Variants in UBE2U observed in about 807,000 individuals in gnomAD.
The protein encoded by UBE2U is ubiquitin-conjugating enzyme E2 U.
In UBE2U, 39 loss-of-function variants were observed where a neutral mutation model predicts 41.2. The observed-to-expected ratio is 0.95, with a 90% confidence interval of 0.73 to 1.24. UBE2U has a LOEUF of 1.24. UBE2U is among the 50% of genes most tolerant of loss of function. The pLI, the probability that UBE2U is intolerant of heterozygous loss-of-function variation, is 0.00. For missense variants in UBE2U, 336 were observed against 363.1 expected (o/e 0.93, Z 0.61); for synonymous variants, 107 against 117.8 (o/e 0.91, Z 0.60).
intron 2 of UBE2U, among the ~76,000 whole-genome samples, chr1:64,206,242 C>T (rs1300968740): frequency 6.6e-6 from 1 of 152,006 alleles, no homozygotes; most frequent in Non-Finnish European, 1.5e-5. Flanking sequence ...GAGACAAACA[C>T]ATCAGCTGAT....
chr1:64,246,861 C>T (rs1195578183), intron 8 of UBE2U, among the ~76,000 whole-genome samples: 1 of 152,102 alleles, frequency 6.6e-6, no homozygotes, highest in Non-Finnish European at 1.5e-5. Context: ...AGTAACAAAG[C>T]TGAAATTCAA....
chr1:64,259,608 A>G (rs1280628488), intron 8 of UBE2U, among the ~76,000 whole-genome samples: 2 of 151,750 alleles, frequency 1.3e-5, no homozygotes, highest in African/African-American at 2.4e-5. Flanking sequence ...GTTTTTGACA[A>G]AAACATTTCT....
intron 8 of UBE2U, among the ~76,000 whole-genome samples, chr1:64,244,969 G>C (rs558381972): frequency 6.6e-5 from 10 of 152,250 alleles, no homozygotes; most frequent in African/African-American, 2.4e-4. Context: ...AAACTTTTAA[G>C]GTTCATTCTA....
At chr1:64,214,780 T>C in intron 4 of UBE2U, 35 bp from the exon 5 acceptor site, 1 of 1,580,068 alleles carries the variant, frequency 6.3e-7, no homozygotes, top group Non-Finnish European at 8.7e-7. Flanking sequence ...AAAAGTTTAC[T>C]TCTGAAATTA....
intron 8 of UBE2U, among the ~76,000 whole-genome samples, chr1:64,246,434 A>G (rs1377680173): frequency 6.6e-6 from 1 of 152,324 alleles, no homozygotes; most frequent in East Asian, 1.9e-4. Flanking sequence ...TTGAATTTAA[A>G]CATGTTTTTT....
At chr1:64,262,636 C>T (rs909092835) in intron 9 of UBE2U, among the ~76,000 whole-genome samples, 15 of 152,294 alleles carry the variant, frequency 9.8e-5, no homozygotes, top group South Asian at 4.1e-4. Context: ...CTACTTTATC[C>T]AGCAAGAGTC....
At chr1:64,250,969 C>T (rs1383497078) in intron 8 of UBE2U, among the ~76,000 whole-genome samples, 3 of 151,350 alleles carry the variant, frequency 2.0e-5, no homozygotes, top group East Asian at 1.9e-4. Context: ...TGTTAAATGA[C>T]GAGTTAATGG....
chr1:64,248,308 G>C (rs752656311), intron 8 of UBE2U, among the ~76,000 whole-genome samples: 1 of 152,112 alleles, frequency 6.6e-6, no homozygotes, highest in Non-Finnish European at 1.5e-5. Context: ...GTCTGAGCAG[G>C]GTTGAGGCGG....
At chr1:64,263,881 A>G (rs1645215430) in intron 9 of UBE2U, among the ~76,000 whole-genome samples, 1 of 151,988 alleles carries the variant, frequency 6.6e-6, no homozygotes, top group South Asian at 2.1e-4. Flanking sequence ...ATCCCCATGA[A>G]CTCATTGTTT....
chr1:64,242,821 GT>G (rs1255130842), intron 8 of UBE2U, among the ~76,000 whole-genome samples: 1 of 152,034 alleles, frequency 6.6e-6, no homozygotes, highest in Non-Finnish European at 1.5e-5. Context: ...GTATAAGCAT[GT>G]TTTTTTCCTG....
chr1:64,203,711 TCACTCC>T lies in UBE2U; in HGVS notation c.-334_-329del. The T allele has an allele frequency of 9.4e-6, 2 of 212,718 alleles. No homozygotes were observed. 13.2% of individuals were successfully genotyped at this position (212,718 alleles called of 1,614,324 possible). On this transcript the variant is annotated 5_prime_UTR_variant, in exon 1 of 10. Transcript: ENST00000371077. ...TAGGACCCTGATAGGCGTACACCTC[TCACTCC>T]CACTCACGCGCCGACGACATGGGCT...
intron 9 of UBE2U, 40 bp downstream of exon 9, chr1:64,260,734 A>G (rs1010817692): frequency 3.4e-6 from 5 of 1,464,696 alleles, no homozygotes; most frequent in East Asian, 2.5e-5. Flanking sequence ...TTTATAAATA[A>G]CATATTATGC....
chr1:64,237,219 G>T (rs1354431048), intron 7 of UBE2U, among the ~76,000 whole-genome samples: 5 of 150,214 alleles, frequency 3.3e-5, no homozygotes, highest in Non-Finnish European at 5.9e-5. Context: ...TGGTACTATT[G>T]GTTTTTTTGG....
chr1:64,253,739 GC>G (rs1645047987), intron 8 of UBE2U, among the ~76,000 whole-genome samples: 1 of 152,124 alleles, frequency 6.6e-6, no homozygotes, highest in Non-Finnish European at 1.5e-5. Context: ...CACCAGGCCT[GC>G]CTTGCAAGAA....
At chr1:64,207,645 A>T (rs1651387043) in intron 3 of UBE2U, among the ~76,000 whole-genome samples, 1 of 152,188 alleles carries the variant, frequency 6.6e-6, no homozygotes, top group Non-Finnish European at 1.5e-5. Context: ...TTAGATTGCT[A>T]CTTAAAGTTA....
chr1:64,257,368 C>G (rs1645110236), intron 8 of UBE2U, among the ~76,000 whole-genome samples: 1 of 152,150 alleles, frequency 6.6e-6, no homozygotes, highest in African/African-American at 2.4e-5. Flanking sequence ...ACCCAAATGC[C>G]CTTCAATGAT....
rs190103565 is a variant in UBE2U at position 64,246,352 on chromosome 1, C to T, written c.677+4619C>T. On this transcript the variant is annotated intron_variant, in intron 8 of 9. Coordinates refer to ENST00000371077, the MANE Select transcript of UBE2U (RefSeq NM_001366232.2). Reference sequence around the variant, plus strand: ...TTCTTTTGGTATACCTATGTTTGATCCCCTTTATATGGAAAACGTTCATGC... The same window carrying T: ...TTCTTTTGGTATACCTATGTTTGATTCCCTTTATATGGAAAACGTTCATGC... Among the ~76,000 whole-genome samples the T allele has an allele frequency of 3.3e-3, 499 of 152,210 alleles. 2 individuals are homozygous for T. Among genetic ancestry groups the T allele is most frequent in the African/African-American group, 0.012 (485 of 41,548 alleles).
At chr1:64,231,630 AAC>A (rs1025832534) in intron 6 of UBE2U, among the ~76,000 whole-genome samples, 31 of 152,372 alleles carry the variant, frequency 2.0e-4, no homozygotes, top group African/African-American at 7.0e-4. Context: ...TGAATGAATT[AAC>A]ACATTTAGAT....
chr1:64,258,401 C>T (rs1267378096), intron 8 of UBE2U, among the ~76,000 whole-genome samples: 1 of 151,946 alleles, frequency 6.6e-6, no homozygotes, highest in African/African-American at 2.4e-5. Context: ...ATACATGTGC[C>T]GTGTTGTTTT....
Sources: allele counts gnomAD v4.1 joint callset (sites outside exome capture counted in the v4.1 genomes callset), GRCh38; gene constraint gnomAD v4.1.1; transcripts MANE v1.5; gene names NCBI Gene and HGNC (gene_info 2026-07-23, HGNC 2026-07-21).